The following TUNAR variants were observed in gnomAD, a reference collection of about 807,000 sequenced individuals.
TUNAR encodes transmembrane neural differentiation associated intracellular calcium regulator.
At chr14:95,922,354 A>G (rs143428676) in intron 2 of TUNAR, among the ~76,000 whole-genome samples, 1 of 152,162 alleles carries the variant, frequency 6.6e-6, no homozygotes, top group Non-Finnish European at 1.5e-5. Flanking sequence ...GATGCCCCAT[A>G]CACACTTTGT....
At chr14:95,922,678 T>C (rs1446389845) in intron 2 of TUNAR, 103 bp from the exon 2 acceptor site, 1 of 396,636 alleles carries the variant, frequency 2.5e-6, no homozygotes, top group African/African-American at 2.1e-5. Context: ...TCTCCCACCA[T>C]GTTCTGACCT....
At chr14:95,894,839 G>T (rs1270646537) in intron 2 of TUNAR, among the ~76,000 whole-genome samples, 1 of 150,408 alleles carries the variant, frequency 6.6e-6, no homozygotes, top group Non-Finnish European at 1.5e-5. Flanking sequence ...GTGTAGATGC[G>T]GTTGCAGTGA....
rs185348712 is a variant in TUNAR at position 95,896,537 on chromosome 14, G to A, written c.12+19360G>A. Among the ~76,000 whole-genome samples the A allele has an allele frequency of 5.1e-4, 77 of 152,296 alleles. 2 individuals carry two copies. The highest frequency in any genetic ancestry group is 5.0e-3 in the Admixed American group (77 of 15,304). On this transcript the variant is annotated intron_variant, in intron 2 of 2. Transcript: ENST00000678517. ...CTGGGTGAGGGGCAAGCCAGAAGCT[G>A]CACCACACCCTCTGGAACTCTAGAG...
chr14:95,877,217 GCAGGGCCCGGAGGCCGCCT>G (rs1888902407), intron 2 of TUNAR, 40 bp downstream of exon 1: 1 of 152,226 alleles, frequency 6.6e-6, no homozygotes, highest in African/African-American at 2.4e-5. Flanking sequence ...AGCTCCCTTC[GCAGGGCCCGGAGGCCGCCT>G]CAGGGCCCCT....
exon 3 of TUNAR, chr14:95,923,805 TA>T (rs1360622034): frequency 6.6e-6 from 1 of 152,228 alleles, no homozygotes; most frequent in Non-Finnish European, 1.5e-5. Flanking sequence ...GTGCATGTTT[TA>T]AGATTGTCCA....
At chr14:95,878,938 C>T (rs1888932313) in intron 2 of TUNAR, among the ~76,000 whole-genome samples, 1 of 152,178 alleles carries the variant, frequency 6.6e-6, no homozygotes, top group African/African-American at 2.4e-5. Context: ...ATCATATTTG[C>T]ATAGGTAAAA....
intron 2 of TUNAR, among the ~76,000 whole-genome samples, chr14:95,917,427 A>T (rs896899867): frequency 6.6e-6 from 1 of 152,206 alleles, no homozygotes; most frequent in Non-Finnish European, 1.5e-5. Flanking sequence ...TATGAGGCAG[A>T]TCTCCCTACC....
At chr14:95,915,415 T>C (rs539729723) in intron 2 of TUNAR, among the ~76,000 whole-genome samples, 1 of 152,316 alleles carries the variant, frequency 6.6e-6, no homozygotes, top group East Asian at 1.9e-4. Context: ...AGTCAGTGTT[T>C]ACAGTTGACC....
intron 2 of TUNAR, among the ~76,000 whole-genome samples, chr14:95,918,109 T>A (rs1360700761): frequency 1.3e-5 from 2 of 152,232 alleles, no homozygotes; most frequent in Non-Finnish European, 2.9e-5. Flanking sequence ...TTTTAAATTT[T>A]ATTTTTTAAG....
At chr14:95,890,370 A>G (rs1015794179) in intron 2 of TUNAR, among the ~76,000 whole-genome samples, 1 of 152,148 alleles carries the variant, frequency 6.6e-6, no homozygotes, top group Admixed American at 6.5e-5. Context: ...TGGTCACCCC[A>G]GTATGGCAGC....
At chr14:95,894,389 T>C (rs1465340584) in intron 2 of TUNAR, among the ~76,000 whole-genome samples, 2 of 152,218 alleles carry the variant, frequency 1.3e-5, no homozygotes, top group Non-Finnish European at 2.9e-5. Flanking sequence ...AGTCATGCCC[T>C]GTTGGAGCCC....
At chr14:95,905,044 T>C (rs1889408757) in intron 2 of TUNAR, among the ~76,000 whole-genome samples, 1 of 152,234 alleles carries the variant, frequency 6.6e-6, no homozygotes, top group Admixed American at 6.5e-5. Flanking sequence ...AGAGCAATCC[T>C]TAAGTGGGAC....
At chr14:95,901,711 C>T (rs562466066) in intron 2 of TUNAR, among the ~76,000 whole-genome samples, 2 of 152,314 alleles carry the variant, frequency 1.3e-5, no homozygotes, top group African/African-American at 2.4e-5. Context: ...ATGAAGGACA[C>T]GATTGCTGTC....
chr14:95,891,739 G>A (rs1889183566), intron 2 of TUNAR, among the ~76,000 whole-genome samples: 1 of 152,248 alleles, frequency 6.6e-6, no homozygotes, highest in African/African-American at 2.4e-5. Context: ...ACCAAAAGCT[G>A]GGTGGATTAA....
intron 2 of TUNAR, among the ~76,000 whole-genome samples, chr14:95,896,608 A>C (rs1889273630): frequency 1.3e-5 from 2 of 152,236 alleles, no homozygotes; most frequent in Admixed American, 1.3e-4. Context: ...AAGTGGAAGC[A>C]GAAAGCCTCT....
intron 2 of TUNAR, among the ~76,000 whole-genome samples, chr14:95,903,853 C>T (rs1889391619): frequency 6.6e-6 from 1 of 152,214 alleles, no homozygotes; most frequent in Non-Finnish European, 1.5e-5. Flanking sequence ...GGCTTCTCTG[C>T]CCATTTCTCT....
chr14:95,880,518 T>C (rs1311988268), intron 2 of TUNAR, among the ~76,000 whole-genome samples: 3 of 152,272 alleles, frequency 2.0e-5, no homozygotes, highest in Non-Finnish European at 4.4e-5. Flanking sequence ...AGAACTATTA[T>C]GTAATTTGGG....
At chr14:95,894,190 T>A (rs983873163) in intron 2 of TUNAR, among the ~76,000 whole-genome samples, 4 of 152,170 alleles carry the variant, frequency 2.6e-5, no homozygotes, top group African/African-American at 9.7e-5. Context: ...GTTGAGAGTG[T>A]TTGAGGAGAA....
intron 2 of TUNAR, among the ~76,000 whole-genome samples, chr14:95,914,659 CATCATTGTCATCATCATCA>C (rs56988598): frequency 0.11 from 15,912 of 147,642 alleles, 987 homozygotes; most frequent in South Asian, 0.22. Context: ...GAGCCTCTGT[CATCATTGTCATCATCATCA>C]ATCATCATCA....
Sources: allele counts gnomAD v4.1 joint callset (sites outside exome capture counted in the v4.1 genomes callset), GRCh38; gene constraint gnomAD v4.1.1; transcripts MANE v1.5; gene names NCBI Gene and HGNC (gene_info 2026-07-23, HGNC 2026-07-21).